C17orf75: variants seen among roughly 807,000 people sequenced by gnomAD.
C17orf75 encodes the protein chromosome 17 open reading frame 75, also known as protein Njmu-R1.
A neutral mutation model predicts 49.6 loss-of-function variants in C17orf75; 32 were observed. The observed-to-expected ratio is 0.65, with a 90% confidence interval of 0.49 to 0.87. The LOEUF is 0.87. Among genes scored for constraint, C17orf75 ranks in the 40% least tolerant of loss-of-function variants. The pLI is 0.00. For missense variants in C17orf75, 428 were observed against 473.9 expected, an observed-to-expected ratio of 0.90 and a Z score of 0.90; for synonymous variants, 158 against 159.5, an observed-to-expected ratio of 0.99 and a Z score of 0.07.
At chr17:32,349,964 A>G (rs2041468872) in exon 1 of C17orf75, 1 of 1,167,824 alleles carries the variant, frequency 8.6e-7, no homozygotes, top group Admixed American at 4.1e-5. Context: ...CTCCTTTACA[A>G]ATGAAACCCA....
chr17:32,338,389 T>C, intron 3 of C17orf75, 38 bp from the exon 4 acceptor site: 1 of 1,587,148 alleles, frequency 6.3e-7, no homozygotes, highest in Non-Finnish European at 8.6e-7. Context: ...ATTATTTTGG[T>C]TACTCATGCA....
chr17:32,347,358 A>C (rs2041432792), intron 1 of C17orf75, among the ~76,000 whole-genome samples: 1 of 148,570 alleles, frequency 6.7e-6, no homozygotes, highest in Non-Finnish European at 1.5e-5. Flanking sequence ...GGCTCACTAC[A>C]ACCTCCGCCT....
In C17orf75 at chr17:32,331,846, C is replaced by T. The variant is rs758125219; in HGVS notation, c.1108G>A (p.Glu370Lys). 2.5e-6 allele frequency: 4 copies of T among 1,613,682 alleles called. No individual in the cohort carries two copies. Among genetic ancestry groups the T allele is most frequent in the Non-Finnish European group, 1.7e-6 (2 of 1,179,758 alleles). Residue 370 changes from glutamate to lysine, a missense_variant, in exon 10 of 10, where the codon GAA becomes AAA. Physicochemically the swap from Glu to Lys is moderately conservative, Grantham distance 56 (BLOSUM62 1). Transcript: ENST00000577809. ...GDILLKIVKV[E>K]HEEMPEAKNV... Reference sequence around the variant, plus strand: ...TTGGCTTCAGGCATTTCTTCATGTTCCACTTTAACAATCTTCAAAAGTATA... The same window carrying T: ...TTGGCTTCAGGCATTTCTTCATGTTTCACTTTAACAATCTTCAAAAGTATA...
At position 32,334,793 on chromosome 17, in the gene C17orf75, G is replaced by GT; in HGVS notation, c.715dup (p.Thr239AsnfsTer6). On this transcript the variant is annotated frameshift_variant, in exon 7 of 10. Transcript: ENST00000577809. LOFTEE classifies it high-confidence loss of function. ...TCTTTACCTGTTAATGTCTCTCTTT[G>GT]TTTTTTCATCTGATTCTTTAACTTC... 6.2e-7 allele frequency: 1 copy of GT among 1,607,116 alleles called. No homozygotes were observed. The highest frequency in any genetic ancestry group is 8.5e-7 in the Non-Finnish European group (1 of 1,176,272).
upstream of C17orf75, among the ~76,000 whole-genome samples, chr17:32,346,722 G>A (rs1159800508): frequency 6.6e-6 from 1 of 151,950 alleles, no homozygotes; most frequent in Non-Finnish European, 1.5e-5. Flanking sequence ...ACAGGCACAC[G>A]CCACTAGGCC....
chr17:32,335,225 G>A (rs945754168), intron 6 of C17orf75, 98 bp downstream of exon 6: 3 of 1,389,636 alleles, frequency 2.2e-6, no homozygotes, highest in African/African-American at 2.9e-5. Context: ...TGAATATTTG[G>A]GGAGGGATGG....
At chr17:32,349,517 G>A (rs994210878) in intron 1 of C17orf75, among the ~76,000 whole-genome samples, 3 of 152,124 alleles carry the variant, frequency 2.0e-5, no homozygotes, top group African/African-American at 7.2e-5. Context: ...GGAGACGGAG[G>A]TTGCAGTGAG....
In C17orf75 at chr17:32,341,288, C is replaced by T; in HGVS notation, c.141-4G>A. On this transcript the variant is annotated splice_polypyrimidine_tract_variant and splice_region_variant and intron_variant, in intron 1 of 9. Transcript: ENST00000577809. Reference sequence around the variant, plus strand: ...GTCCCCTCGTTGCTGTGCCAATCTACAAGCCACAAAACCAATAGTGCTATC... The same window carrying T: ...GTCCCCTCGTTGCTGTGCCAATCTATAAGCCACAAAACCAATAGTGCTATC... 1 of 1,603,182 alleles carries T rather than the reference C, an allele frequency of 6.2e-7. No homozygotes were observed. Among genetic ancestry groups the T allele is most frequent in the Non-Finnish European group, 8.5e-7 (1 of 1,176,432 alleles).
At chr17:32,349,142 T>A (rs1465417526) in intron 1 of C17orf75, among the ~76,000 whole-genome samples, 6 of 151,990 alleles carry the variant, frequency 3.9e-5, no homozygotes, top group African/African-American at 1.4e-4. Flanking sequence ...GTGTTGGGAT[T>A]ACTGGCGTGA....
intron 1 of C17orf75, among the ~76,000 whole-genome samples, chr17:32,348,014 CTT>C (rs752522686): frequency 7.0e-6 from 1 of 143,246 alleles, no homozygotes; most frequent in Non-Finnish European, 1.5e-5. Context: ...CCAGCCTGAA[CTT>C]TTTTTTTTTT....
chr17:32,345,558 G>A (rs747434344), upstream of C17orf75, among the ~76,000 whole-genome samples: 15 of 139,986 alleles, frequency 1.1e-4, no homozygotes, highest in South Asian at 7.1e-4. Flanking sequence ...CTGGCCGGGC[G>A]CGGTGGCTCA....
At chr17:32,336,693 T>C (rs2041329284) in intron 5 of C17orf75, among the ~76,000 whole-genome samples, 1 of 152,148 alleles carries the variant, frequency 6.6e-6, no homozygotes, top group Non-Finnish European at 1.5e-5. Flanking sequence ...ATAATATAAA[T>C]CTTATATGCC....
chr17:32,349,304 C>CAGAGACTT (rs1268221085), intron 1 of C17orf75, among the ~76,000 whole-genome samples: 3 of 151,880 alleles, frequency 2.0e-5, no homozygotes, highest in South Asian at 2.1e-4. Context: ...TTTCTTATGT[C>CAGAGACTT]GGGCGCAGCG....
rs1361472007 is a variant in C17orf75, at chr17:32,331,769, A to ACTT, written c.1182_1184dup (p.Gln394_Ser395insArg). The stretch of plus-strand genomic sequence containing the variant: ...ATTATCTCAAAACATATGATCAAAA[A>ACTT]CTTTGGTCAAGAGCTTCTTTCATGA... On this transcript the variant is annotated inframe_insertion, in exon 10 of 10. Transcript: ENST00000577809. 6.2e-7 allele frequency: 1 copy of ACTT among 1,611,394 alleles called. No homozygotes were observed. Among genetic ancestry groups the ACTT allele is most frequent in the South Asian group, 1.1e-5 (1 of 91,010 alleles).
chr17:32,337,239 T>C (rs1393527668), intron 5 of C17orf75, among the ~76,000 whole-genome samples: 3 of 152,088 alleles, frequency 2.0e-5, no homozygotes, highest in African/African-American at 4.8e-5. Context: ...GGAGGGAGGA[T>C]TGCTTGAGGC....
intron 5 of C17orf75, among the ~76,000 whole-genome samples, chr17:32,337,460 C>T (rs2041336660): frequency 6.7e-6 from 1 of 149,954 alleles, no homozygotes; most frequent in South Asian, 2.1e-4. Flanking sequence ...AAGACCCTGT[C>T]TAAAAAAAAA....
Position 32,342,145 on chromosome 17 carries a change from C to A in C17orf75, c.-6G>T, listed in dbSNP as rs1215836006. On this transcript the variant is annotated 5_prime_UTR_variant, in exon 1 of 10. Coordinates refer to ENST00000577809, the MANE Select transcript of C17orf75 (RefSeq NM_022344.4). ...TCCTGCAAAGAGGGGAGCATTGCGG[C>A]GGCCTCTGAGCGGCCCTGTGTCTCC... The A allele has an allele frequency of 8.2e-6, 13 of 1,593,484 alleles. No individual in the cohort carries two copies. Among genetic ancestry groups the A allele is most frequent in the Non-Finnish European group, 1.0e-5 (12 of 1,171,254 alleles).
rs147922125 is a variant in C17orf75 at position 32,333,891 on chromosome 17, C to T, written c.872-371G>A. ...AAATGGCTGAAGCCCCCTGTATGCC[C>T]CTTCCCAATCACATCCCCCTTCCTT... is the stretch of plus-strand genomic sequence containing the variant. On this transcript the variant is annotated intron_variant, in intron 8 of 9. Transcript: ENST00000577809. Among the ~76,000 whole-genome samples, 702 of 152,308 alleles carry T rather than the reference C, an allele frequency of 4.6e-3. 5 individuals are homozygous for T. The highest frequency in any genetic ancestry group is 0.016 in the African/African-American group (646 of 41,568).
At chr17:32,340,456 C>T (rs916238287) in intron 2 of C17orf75, among the ~76,000 whole-genome samples, 7 of 151,944 alleles carry the variant, frequency 4.6e-5, no homozygotes, top group African/African-American at 7.3e-5. Context: ...CTGGCTAACA[C>T]AGTGAAACCC....
Sources: allele counts gnomAD v4.1 joint callset (sites outside exome capture counted in the v4.1 genomes callset), GRCh38; gene constraint gnomAD v4.1.1; transcripts MANE v1.5; gene names NCBI Gene and HGNC (gene_info 2026-07-23, HGNC 2026-07-21).